The following PCDHA3 variants were observed in gnomAD, a reference collection of about 807,000 sequenced individuals.
The protein encoded by PCDHA3 is protocadherin alpha 3, also known as protocadherin alpha-3.
In PCDHA3, 41 loss-of-function variants were observed where a neutral mutation model predicts 62.2. The observed-to-expected ratio is 0.66, with a 90% CI of 0.51 to 0.86. The LOEUF is 0.86. Among genes scored for constraint, PCDHA3 ranks in the 40% least tolerant of loss-of-function variants. The probability of loss-of-function intolerance (pLI) is 0.00; values close to 1 mark genes in which losing one functional copy is unlikely to be tolerated. For missense variants in PCDHA3, 1,304 were observed against 1,241.2 expected (o/e 1.05, Z -0.76); for synonymous variants, 640 against 555.4 (o/e 1.15, Z -2.14).
rs1320203097 is a variant in PCDHA3 at position 140,848,970 on chromosome 5, G to C, written c.2394+45379G>C. ...TCGGTTTCCACTAGAGGGCGCGTCC[G>C]ATGCAGATATCGGGGAGAACGCCCT... On this transcript the variant is annotated intron_variant, in intron 1 of 3. Transcript: ENST00000522353. 3.7e-5 allele frequency: 60 copies of C among 1,602,546 alleles called. 1 individual carries two copies. The highest frequency in any genetic ancestry group is 5.0e-5 in the Non-Finnish European group (59 of 1,173,282).
chr5:140,962,889 A>G (rs1554226313), intron 1 of PCDHA3, among the ~76,000 whole-genome samples: 2 of 152,220 alleles, frequency 1.3e-5, no homozygotes, highest in Admixed American at 6.5e-5. Flanking sequence ...GAATTAAAAA[A>G]TGAAAACTAG....
rs138948867 is a variant in PCDHA3 at position 140,849,674 on chromosome 5, C to T, written c.2394+46083C>T. 1.4e-4 allele frequency: 225 copies of T among 1,598,712 alleles called. 14 individuals carry two copies. The African/African-American group carries it at 2.2e-3, about 16-fold the overall frequency. On this transcript the variant is annotated intron_variant, in intron 1 of 3. Coordinates refer to ENST00000522353, the MANE Select transcript of PCDHA3 (RefSeq NM_018906.3). The stretch of plus-strand genomic sequence containing the variant: ...TTACCTGCTCCCTGACGCCCCACGT[C>T]CCCTTCAAGCTGGTGTCCACCTACA...
intron 1 of PCDHA3, chr5:140,836,055 G>C: frequency 1.2e-6 from 2 of 1,613,604 alleles, no homozygotes; most frequent in Non-Finnish European, 1.7e-6. Context: ...CGTGCTGGAC[G>C]AGAACGACAA....
At chr5:140,857,857 C>A (rs1415276512) in intron 1 of PCDHA3, 1 of 1,597,670 alleles carries the variant, frequency 6.3e-7, no homozygotes, top group Non-Finnish European at 8.6e-7. Flanking sequence ...CTGGATACAA[C>A]GCGTGGCTGT....
intron 1 of PCDHA3, chr5:140,822,462 C>T (rs1325678435): frequency 1.2e-6 from 2 of 1,613,398 alleles, no homozygotes; most frequent in East Asian, 2.2e-5. Flanking sequence ...AGTTGTTGAT[C>T]AATGTATTGG....
intron 1 of PCDHA3, among the ~76,000 whole-genome samples, chr5:140,944,072 A>C (rs868935645): frequency 6.6e-6 from 1 of 152,218 alleles, no homozygotes; most frequent in Non-Finnish European, 1.5e-5. Context: ...CTTGTTAAAG[A>C]TAAAGGAGGC....
chr5:140,876,273 C>T, intron 1 of PCDHA3: 1 of 1,613,982 alleles, frequency 6.2e-7, no homozygotes, highest in South Asian at 1.1e-5. Context: ...TAAATGCTTC[C>T]GATCCAGACG....
At position 140,851,979 on chromosome 5, in the gene PCDHA3, G is replaced by A. The variant is rs117939942; in HGVS notation, c.2394+48388G>A. 36 of 976,672 alleles carry A rather than the reference G, an allele frequency of 3.7e-5. No individual in the cohort carries two copies. In the East Asian group the frequency reaches 3.7e-3, roughly 102 times the overall value. 60.5% of individuals were successfully genotyped at this position (976,672 alleles called of 1,614,324 possible). ...GGTGGTTTTCCACACTCTACCTTTA[G>A]TGCAAGCTATTTGTTTGTTTTCTAA... On this transcript the variant is annotated intron_variant, in intron 1 of 3. Coordinates refer to ENST00000522353, the MANE Select transcript of PCDHA3 (RefSeq NM_018906.3).
chr5:140,941,191 T>TTTTTTTTC (rs1554213809), intron 1 of PCDHA3, among the ~76,000 whole-genome samples: 21 of 93,258 alleles, frequency 2.3e-4, no homozygotes, highest in African/African-American at 5.9e-4. Flanking sequence ...GCTTCTTTTT[T>TTTTTTTTC]TTTCTTTCTT....
In PCDHA3 at chr5:140,966,999, G is replaced by A. The variant is rs782081862; in HGVS notation, c.2395-11950G>A. 115 of 1,604,458 alleles carry A rather than the reference G, an allele frequency of 7.2e-5. No homozygotes were observed. The highest frequency in any genetic ancestry group is 8.8e-5 in the Non-Finnish European group (104 of 1,177,324). ...CGGCGCTTGGGGCCGGGTTGCTTGC[G>A]CATCAACCATCTGGGTGCGCCCAGT... On this transcript the variant is annotated intron_variant, in intron 1 of 3. Transcript: ENST00000522353.
chr5:140,853,046 T>G (rs546337330), intron 1 of PCDHA3: 2 of 266,574 alleles, frequency 7.5e-6, no homozygotes, highest in Non-Finnish European at 1.2e-5. Flanking sequence ...GCCCGCCTAA[T>G]TTTTTTGTAT....
chr5:140,826,590 A>T (rs2150144335), intron 1 of PCDHA3, among the ~76,000 whole-genome samples: 2 of 152,128 alleles, frequency 1.3e-5, no homozygotes, highest in East Asian at 3.8e-4. Context: ...AATGGATAAC[A>T]TTAAGGTTAA....
At chr5:140,893,780 C>G (rs966071281) in intron 1 of PCDHA3, among the ~76,000 whole-genome samples, 1 of 151,980 alleles carries the variant, frequency 6.6e-6, no homozygotes. Flanking sequence ...TTTCTTTTAC[C>G]GTTTTTAGAA....
At chr5:141,000,395 C>CTATATA (rs1190667031) in intron 3 of PCDHA3, among the ~76,000 whole-genome samples, 4 of 53,980 alleles carry the variant, frequency 7.4e-5, no homozygotes, top group East Asian at 6.1e-4. Context: ...CTCTCTCTCT[C>CTATATA]TATATATATA....
intron 3 of PCDHA3, among the ~76,000 whole-genome samples, chr5:141,003,459 GCAC>G (rs1442979686): frequency 6.6e-6 from 1 of 152,028 alleles, no homozygotes; most frequent in African/African-American, 2.4e-5. Context: ...TTACAGGCGT[GCAC>G]CACCACAGTC....
intron 1 of PCDHA3, among the ~76,000 whole-genome samples, chr5:140,903,229 T>G (rs2153479721): frequency 6.6e-6 from 1 of 152,340 alleles, no homozygotes; most frequent in Non-Finnish European, 1.5e-5. Context: ...CATCTATTAC[T>G]TTTTGATTTT....
intron 1 of PCDHA3, among the ~76,000 whole-genome samples, chr5:140,819,252 T>C (rs1474909117): frequency 2.0e-5 from 3 of 152,210 alleles, no homozygotes; most frequent in African/African-American, 7.2e-5. Context: ...CAATCTGGTA[T>C]ATCTATATAA....
chr5:140,814,952 T>G (rs1463393703), intron 1 of PCDHA3: 1 of 152,224 alleles, frequency 6.6e-6, no homozygotes, highest in African/African-American at 2.4e-5. Flanking sequence ...CTTCTTTGTC[T>G]CTTATGACAC....
At chr5:141,003,423 T>G (rs1278383006) in intron 3 of PCDHA3, among the ~76,000 whole-genome samples, 1 of 152,164 alleles carries the variant, frequency 6.6e-6, no homozygotes, top group Non-Finnish European at 1.5e-5. Context: ...GTGATTCTTA[T>G]GCCTCAGCCT....
Sources: allele counts gnomAD v4.1 joint callset (sites outside exome capture counted in the v4.1 genomes callset), GRCh38; gene constraint gnomAD v4.1.1; transcripts MANE v1.5; gene names NCBI Gene and HGNC (gene_info 2026-07-23, HGNC 2026-07-21).